Variants in LRFN2 observed in about 807,000 individuals in gnomAD.
LRFN2 encodes leucine rich repeat and fibronectin type III domain containing 2, also known as leucine-rich repeat and fibronectin type-III domain-containing protein 2.
Under a neutral mutation model 37.3 loss-of-function variants are expected in LRFN2, and 18 were observed. That is an observed-to-expected ratio of 0.48 (90% CI 0.33 to 0.72). The LOEUF (loss-of-function observed/expected upper bound fraction) is 0.72. Ranked by LOEUF, LRFN2 falls within the 30% of genes least tolerant of loss-of-function variation. The probability of loss-of-function intolerance (pLI) is 0.02; values close to 1 mark genes in which losing one functional copy is unlikely to be tolerated. For synonymous variants in LRFN2, 556 were observed against 466.6 expected (o/e 1.19, Z -2.47); for missense variants, 1,006 against 1,060.7 (o/e 0.95, Z 0.72).
At chr6:40,531,975 G>A (rs145455287) in intron 1 of LRFN2, among the ~76,000 whole-genome samples, 22 of 152,288 alleles carry the variant, frequency 1.4e-4, no homozygotes, top group African/African-American at 4.1e-4. Context: ...GCAATCTCCC[G>A]AGTCTCCATG....
At chr6:40,413,136 C>A (rs977882993) in intron 2 of LRFN2, among the ~76,000 whole-genome samples, 1 of 152,184 alleles carries the variant, frequency 6.6e-6, no homozygotes, top group Non-Finnish European at 1.5e-5. Flanking sequence ...ACAGATTGGC[C>A]ACATTTGCAA....
At chr6:40,580,148 C>T (rs1026476173) in intron 1 of LRFN2, among the ~76,000 whole-genome samples, 3 of 152,160 alleles carry the variant, frequency 2.0e-5, no homozygotes, top group African/African-American at 7.2e-5. Context: ...TTATTTACCT[C>T]GACCCTAAGG....
intron 1 of LRFN2, among the ~76,000 whole-genome samples, chr6:40,538,038 G>A (rs962608351): frequency 7.9e-5 from 12 of 152,138 alleles, no homozygotes; most frequent in African/African-American, 1.4e-4. Context: ...CAACACCCCC[G>A]GGACCCTCCC....
intron 2 of LRFN2, among the ~76,000 whole-genome samples, chr6:40,427,596 T>C (rs148698324): frequency 1.1e-3 from 161 of 152,350 alleles, no homozygotes; most frequent in African/African-American, 3.3e-3. Context: ...GTTCAATGAC[T>C]TGGCAGGATT....
chr6:40,545,365 A>G (rs1581788231), intron 1 of LRFN2, among the ~76,000 whole-genome samples: 2 of 151,778 alleles, frequency 1.3e-5, no homozygotes, highest in South Asian at 4.2e-4. Flanking sequence ...GAGTTTTAGG[A>G]CCTCCTACGA....
At chr6:40,510,708 C>T (rs1039533189) in intron 1 of LRFN2, among the ~76,000 whole-genome samples, 8 of 152,190 alleles carry the variant, frequency 5.3e-5, no homozygotes, top group Admixed American at 2.0e-4. Context: ...CCAGAGGAAA[C>T]GAAAGCAGGG....
At chr6:40,510,862 CT>C in intron 1 of LRFN2, among the ~76,000 whole-genome samples, 1 of 152,234 alleles carries the variant, frequency 6.6e-6, no homozygotes. Context: ...GAAGACGAGA[CT>C]CACACAGCAG....
intron 1 of LRFN2, among the ~76,000 whole-genome samples, chr6:40,448,564 T>A (rs1020974707): frequency 1.1e-4 from 16 of 152,194 alleles, no homozygotes; most frequent in Non-Finnish European, 2.2e-4. Context: ...CTCAAAAAGA[T>A]CAAATACATA....
At chr6:40,518,300 C>G (rs1392858062) in intron 1 of LRFN2, among the ~76,000 whole-genome samples, 1 of 152,146 alleles carries the variant, frequency 6.6e-6, no homozygotes, top group Admixed American at 6.5e-5. Context: ...AGCTGGTGAC[C>G]AATAAATATT....
intron 1 of LRFN2, among the ~76,000 whole-genome samples, chr6:40,459,418 T>A (rs144297798): frequency 1.8e-4 from 27 of 152,344 alleles, no homozygotes; most frequent in African/African-American, 5.8e-4. Context: ...AGGTTGTGTG[T>A]GACACATAAC....
intron 2 of LRFN2, among the ~76,000 whole-genome samples, chr6:40,399,921 A>G (rs1762703591): frequency 6.6e-6 from 1 of 151,466 alleles, no homozygotes; most frequent in South Asian, 2.1e-4. Context: ...ATCTAGTGAA[A>G]CTCCAGCTTT....
rs138220282 is a variant in LRFN2, at chr6:40,478,333, T to C, written c.-18-45202A>G. Reference sequence around the variant, plus strand: ...AATAGACAAAAAGTGCTAATAATATTAATTGCCACCATTATCACCACCACC... The same window carrying C: ...AATAGACAAAAAGTGCTAATAATATCAATTGCCACCATTATCACCACCACC... On this transcript the variant is annotated intron_variant, in intron 1 of 2. Coordinates refer to ENST00000338305, the MANE Select transcript of LRFN2 (RefSeq NM_020737.3). Among the ~76,000 whole-genome samples, 411 of 152,346 alleles carry C rather than the reference T, an allele frequency of 2.7e-3. 2 individuals are homozygous for C. The highest frequency in any genetic ancestry group is 8.9e-3 in the African/African-American group (368 of 41,574).
At chr6:40,410,849 G>C (rs1428525948) in intron 2 of LRFN2, among the ~76,000 whole-genome samples, 2 of 152,156 alleles carry the variant, frequency 1.3e-5, no homozygotes, top group Non-Finnish European at 2.9e-5. Context: ...GGAGCTTTAA[G>C]GTGGGGCTGG....
At chr6:40,434,213 G>A (rs940247487) in intron 1 of LRFN2, among the ~76,000 whole-genome samples, 2 of 152,222 alleles carry the variant, frequency 1.3e-5, no homozygotes, top group Non-Finnish European at 2.9e-5. Context: ...CTAAAGCGCT[G>A]CCTGGCACAT....
chr6:40,582,698 G>A (rs935863523), intron 1 of LRFN2, among the ~76,000 whole-genome samples: 14 of 132,604 alleles, frequency 1.1e-4, no homozygotes, highest in Non-Finnish European at 1.9e-4. Context: ...CAGTTACAAC[G>A]TAAGGAAATC....
rs924228636 is a variant in LRFN2, at chr6:40,516,227, G to A, written c.-19+70714C>T. ...GACCTGGGAGCAGTGACTCAGCACA[G>A]TCTAAGCCTCAGTCTTCCCAATCAT... is the stretch of plus-strand genomic sequence containing the variant. On this transcript the variant is annotated intron_variant, in intron 1 of 2. Transcript: ENST00000338305. 2.6e-5 allele frequency: 4 copies of A among 152,332 alleles called. No individual in the cohort carries two copies. In the South Asian group the frequency reaches 8.3e-4, roughly 32 times the overall value. The allele number at this position is 152,332 out of a possible 1,614,324, so 9.4% of individuals were successfully genotyped here. A position where few individuals can be genotyped will look rare whatever the true frequency, so the allele number is the denominator to read the frequency against.
intron 1 of LRFN2, among the ~76,000 whole-genome samples, chr6:40,468,197 G>A (rs1350266223): frequency 2.0e-5 from 3 of 152,084 alleles, no homozygotes; most frequent in Non-Finnish European, 4.4e-5. Flanking sequence ...CCAGGCTAGT[G>A]TCAGAAGCAA....
chr6:40,582,672 C>T (rs964887332), intron 1 of LRFN2, among the ~76,000 whole-genome samples: 1 of 149,208 alleles, frequency 6.7e-6, no homozygotes, highest in Non-Finnish European at 1.5e-5. Context: ...GGCCCCCATA[C>T]CTTCTATACA....
chr6:40,500,431 C>T (rs1206508624), intron 1 of LRFN2, among the ~76,000 whole-genome samples: 1 of 152,246 alleles, frequency 6.6e-6, no homozygotes, highest in Non-Finnish European at 1.5e-5. Context: ...TAATAGCTTG[C>T]ATCACTGCAA....
Sources: allele counts gnomAD v4.1 joint callset (sites outside exome capture counted in the v4.1 genomes callset), GRCh38; gene constraint gnomAD v4.1.1; transcripts MANE v1.5; gene names NCBI Gene and HGNC (gene_info 2026-07-23, HGNC 2026-07-21).